PLD5: variants seen among roughly 807,000 people sequenced by gnomAD.
PLD5 encodes the protein phospholipase D family member 5, also known as inactive phospholipase D5.
A neutral mutation model predicts 61.1 loss-of-function variants in PLD5; 36 were observed. The ratio of observed to expected loss-of-function variants is 0.59; its 90% CI spans 0.45 to 0.78. The LOEUF (loss-of-function observed/expected upper bound fraction) is 0.78, where lower values mean the gene tolerates loss of function less well. Ranked by LOEUF, PLD5 falls within the 30% of genes least tolerant of loss-of-function variation. The pLI, the probability that PLD5 is intolerant of heterozygous loss-of-function variation, is 0.00. For synonymous variants in PLD5, 243 were observed against 242.8 expected (o/e 1.00, Z -0.01); for missense variants, 515 against 644.4 (o/e 0.80, Z 2.17).
At chr1:242,335,372 A>C (rs1234257812) in intron 2 of PLD5, among the ~76,000 whole-genome samples, 2 of 152,234 alleles carry the variant, frequency 1.3e-5, no homozygotes, top group Non-Finnish European at 2.9e-5. Flanking sequence ...CATAACACCA[A>C]ATAATATCCA....
intron 3 of PLD5, among the ~76,000 whole-genome samples, chr1:242,281,477 T>C (rs1297174099): frequency 1.3e-5 from 2 of 152,194 alleles, no homozygotes; most frequent in Non-Finnish European, 2.9e-5. Context: ...GAAGACCACA[T>C]AATTTACTGT....
chr1:242,147,967 G>A (rs1236747514), intron 5 of PLD5, among the ~76,000 whole-genome samples: 1 of 151,876 alleles, frequency 6.6e-6, no homozygotes, highest in African/African-American at 2.4e-5. Flanking sequence ...CTCAACCTTT[G>A]GCTTTTATTT....
At chr1:242,419,944 G>A (rs1465465273) in intron 1 of PLD5, among the ~76,000 whole-genome samples, 1 of 152,128 alleles carries the variant, frequency 6.6e-6, no homozygotes, top group Non-Finnish European at 1.5e-5. Flanking sequence ...GATGATAAAA[G>A]TCAGTCCCAG....
Position 242,207,844 on chromosome 1 carries a change from A to ATATATATTTATATATT in PLD5, c.735+12128_735+12143dup, listed in dbSNP as rs1403267860. The stretch of plus-strand genomic sequence containing the variant: ...TATATTTATATATATTTATATATTT[A>ATATATATTTATATATT]TATATATTTATATATTTATATATTT... On this transcript the variant is annotated intron_variant, in intron 5 of 9. Transcript: ENST00000536534. 5.0e-4 allele frequency among the ~76,000 whole-genome samples: 11 copies of ATATATATTTATATATT among 22,094 alleles called. 5 individuals are homozygous for ATATATATTTATATATT. The highest frequency in any genetic ancestry group is 1.8e-3 in the Admixed American group (2 of 1,100). 14.5% of individuals were successfully genotyped at this position (22,094 alleles called of 152,430 possible). A position where few individuals can be genotyped will look rare whatever the true frequency, so the allele number is the denominator to read the frequency against.
At chr1:242,334,623 A>G (rs531155431) in intron 2 of PLD5, among the ~76,000 whole-genome samples, 85 of 152,254 alleles carry the variant, frequency 5.6e-4, no homozygotes, top group Admixed American at 5.0e-3. Context: ...CAGCCCATCA[A>G]AGCTGGATTT....
At chr1:242,234,565 G>A (rs1671515869) in intron 4 of PLD5, among the ~76,000 whole-genome samples, 1 of 152,132 alleles carries the variant, frequency 6.6e-6, no homozygotes, top group African/African-American at 2.4e-5. Context: ...GGAGGCAGAC[G>A]ATGGAGCAGA....
chr1:242,400,303 G>T (rs1263226981), intron 1 of PLD5, among the ~76,000 whole-genome samples: 1 of 107,808 alleles, frequency 9.3e-6, no homozygotes, highest in Admixed American at 1.5e-4. Flanking sequence ...CATGAAACCA[G>T]TCCCTGGTGC....
intron 1 of PLD5, among the ~76,000 whole-genome samples, chr1:242,412,693 T>C (rs1051594561): frequency 1.3e-5 from 2 of 152,228 alleles, no homozygotes; most frequent in Non-Finnish European, 2.9e-5. Context: ...ATGGTATGGA[T>C]GTGCCACAAT....
At chr1:242,387,796 G>A (rs1360223514) in intron 1 of PLD5, among the ~76,000 whole-genome samples, 1 of 150,714 alleles carries the variant, frequency 6.6e-6, no homozygotes. Context: ...GCTGTTTACA[G>A]GAATTAGAAG....
At chr1:242,297,381 C>T (rs1344857652) in intron 2 of PLD5, among the ~76,000 whole-genome samples, 2 of 140,804 alleles carry the variant, frequency 1.4e-5, no homozygotes, top group Admixed American at 1.5e-4. Flanking sequence ...AGCTTCCCCC[C>T]TTTTCCTATC....
At chr1:242,143,137 C>T (rs1664299376) in intron 5 of PLD5, among the ~76,000 whole-genome samples, 1 of 152,128 alleles carries the variant, frequency 6.6e-6, no homozygotes, top group Non-Finnish European at 1.5e-5. Context: ...AAGCGATTCT[C>T]CTGCCTCAGC....
At chr1:242,131,342 T>C (rs1416211055) in intron 5 of PLD5, among the ~76,000 whole-genome samples, 2 of 152,180 alleles carry the variant, frequency 1.3e-5, no homozygotes, top group East Asian at 3.9e-4. Context: ...GTTATGTCAG[T>C]GGTTCCGTTC....
At chr1:242,328,699 G>A (rs1658980184) in intron 2 of PLD5, among the ~76,000 whole-genome samples, 1 of 152,202 alleles carries the variant, frequency 6.6e-6, no homozygotes, top group South Asian at 2.1e-4. Context: ...CACTCAAAGA[G>A]TAGTAAAGAA....
intron 1 of PLD5, among the ~76,000 whole-genome samples, chr1:242,459,532 G>T (rs1285933380): frequency 6.6e-6 from 1 of 152,162 alleles, no homozygotes; most frequent in Admixed American, 6.5e-5. Context: ...GCCAAGCTAT[G>T]ATTGCTATGG....
At chr1:242,394,729 TATATGTGTATATATGTGAAC>T (rs1209592389) in intron 1 of PLD5, among the ~76,000 whole-genome samples, 2 of 70,022 alleles carry the variant, frequency 2.9e-5, no homozygotes, top group African/African-American at 1.3e-4. Flanking sequence ...TATGTGAACA[TATATGTGTATATATGTGAAC>T]ATATATGTGT....
intron 1 of PLD5, among the ~76,000 whole-genome samples, chr1:242,493,570 C>A (rs377419337): frequency 6.6e-6 from 1 of 152,128 alleles, no homozygotes; most frequent in African/African-American, 2.4e-5. Flanking sequence ...CTGCCCTCGC[C>A]GCCACCTCCA....
chr1:242,110,744 A>T (rs1190527735), intron 7 of PLD5, among the ~76,000 whole-genome samples: 1 of 152,134 alleles, frequency 6.6e-6, no homozygotes, highest in Non-Finnish European at 1.5e-5. Context: ...TGGGAGGCAG[A>T]GGTTGCAGTG....
At chr1:242,276,494 A>C (rs796885415) in intron 3 of PLD5, among the ~76,000 whole-genome samples, 1 of 145,474 alleles carries the variant, frequency 6.9e-6, no homozygotes, top group African/African-American at 2.5e-5. Flanking sequence ...GGTATTGTTT[A>C]TGAGATAACA....
In PLD5 at chr1:242,433,560, G is replaced by A. The variant is rs572574568; in HGVS notation, c.190-85318C>T. Among the ~76,000 whole-genome samples, 76 of 151,802 alleles carry A rather than the reference G, an allele frequency of 5.0e-4. 1 individual carries two copies. The highest frequency in any genetic ancestry group is 3.1e-3 in the Admixed American group (48 of 15,258). On this transcript the variant is annotated intron_variant, in intron 1 of 9. Transcript: ENST00000536534. The stretch of plus-strand genomic sequence containing the variant: ...TTCATTCATTCAATAAATATTTATC[G>A]AATACCCACTATGAGCAACGCATTG...
Sources: gnomAD v4.1 joint callset for allele counts (sites outside exome capture counted in the v4.1 genomes callset) on GRCh38, gnomAD v4.1.1 for gene constraint, MANE v1.5 for transcripts, NCBI Gene and HGNC (gene_info 2026-07-23, HGNC 2026-07-21) for gene names.